BTNL3: variants seen among roughly 807,000 people sequenced by gnomAD.
BTNL3 encodes butyrophilin like 3, also known as butyrophilin-like protein 3.
A neutral mutation model predicts 40.1 loss-of-function variants in BTNL3; 20 were observed. That is an observed-to-expected ratio of 0.50 (90% confidence interval 0.35 to 0.72). The LOEUF (loss-of-function observed/expected upper bound fraction) is 0.72. Ranked by LOEUF, BTNL3 falls within the 30% of genes least tolerant of loss-of-function variation. The pLI is 0.01. For synonymous variants in BTNL3, 179 were observed against 222.1 expected (o/e 0.81, Z 1.73); for missense variants, 449 against 582.2 (o/e 0.77, Z 2.35).
intron 3 of BTNL3, among the ~76,000 whole-genome samples, chr5:181,000,799 C>T (rs1047364683): frequency 2.3e-5 from 3 of 131,156 alleles, no homozygotes; most frequent in Non-Finnish European, 3.4e-5. Context: ...GGCGACAGAG[C>T]GAGACTCCGT....
intron 2 of BTNL3, 95 bp from the exon 3 acceptor site, chr5:180,997,118 T>C: frequency 7.2e-7 from 1 of 1,396,548 alleles, no homozygotes; most frequent in Non-Finnish European, 9.9e-7. Flanking sequence ...AAAGGATGTA[T>C]GTGTGTTATG....
Position 180,989,848 on chromosome 5 carries a change from G to C in BTNL3, c.49+771G>C, listed in dbSNP as rs1759945648. 2.9e-5 allele frequency among the ~76,000 whole-genome samples: 4 copies of C among 136,838 alleles called. 2 individuals are homozygous for C. In the South Asian group the frequency reaches 8.8e-4, roughly 30 times the overall value. The allele number at this position is 136,838 out of a possible 152,430, so 89.8% of individuals were successfully genotyped here. A position where few individuals can be genotyped will look rare whatever the true frequency, so the allele number is the denominator to read the frequency against. On this transcript the variant is annotated intron_variant, in intron 1 of 7. Coordinates refer to ENST00000342868, the MANE Select transcript of BTNL3 (RefSeq NM_197975.3). ...TTTGCTAAACAAAGCCAACAAAACA[G>C]AAATAAGGGGATCAAAATCCATGTG...
intron 3 of BTNL3, among the ~76,000 whole-genome samples, chr5:180,998,646 A>C (rs1240776658): frequency 7.3e-6 from 1 of 137,288 alleles, no homozygotes; most frequent in Non-Finnish European, 1.7e-5. Flanking sequence ...ATCATAATTT[A>C]ATAAAGTCAA....
chr5:180,993,104 G>A lies in BTNL3; in HGVS notation c.341G>A (p.Cys114Tyr). The change falls in exon 2 of 8, where the codon TGC (cysteine) becomes TAC (tyrosine). Residue 114 changes from cysteine (C) to tyrosine (Y), a missense_variant. Around this residue, in one of 2 missense-constraint regions of BTNL3, gnomAD observed 323 missense variants for 464.9 expected, o/e 0.69. Coordinates refer to ENST00000342868, the MANE Select transcript of BTNL3 (RefSeq NM_197975.3). ...ITPSDIGLYG[C>Y]WFSSQIYDEE... ...CCCTCGGACATCGGCCTGTATGGGT[G>A]CTGGTTCAGTTCCCAGATTTACGAT... The A allele has an allele frequency of 1.4e-6, 2 of 1,451,236 alleles. 1 individual carries two copies. Among genetic ancestry groups the A allele is most frequent in the Non-Finnish European group, 1.9e-6 (2 of 1,052,216 alleles). The allele number at this position is 1,451,236 out of a possible 1,614,324, so 89.9% of individuals were successfully genotyped here.
At position 180,997,375 on chromosome 5, in the gene BTNL3, GC is replaced by G; in HGVS notation, c.562del (p.Leu188CysfsTer9). Reference protein sequence around the residue: ...SDSRANADGYSLYDVEISIIV... With the variant: ...SDSRANADGYXLYDVEISIIV... ...TCCAGAGCAAATGCAGATGGGTACAGCCTGTATGATGTGGAGATCTCCATTA... is the reference window on the plus strand; with the variant it reads ...TCCAGAGCAAATGCAGATGGGTACAGCTGTATGATGTGGAGATCTCCATTA... On this transcript the variant is annotated frameshift_variant, in exon 3 of 8. Transcript: ENST00000342868. LOFTEE classifies it high-confidence loss of function. The G allele has an allele frequency of 6.8e-7, 1 of 1,464,126 alleles. No individual in the cohort carries two copies. Among genetic ancestry groups the G allele is most frequent in the Non-Finnish European group, 9.4e-7 (1 of 1,059,230 alleles). 90.7% of individuals were successfully genotyped at this position (1,464,126 alleles called of 1,614,324 possible).
At position 180,991,732 on chromosome 5, in the gene BTNL3, AAC is replaced by A. The variant is rs1381777559; in HGVS notation, c.50-1079_50-1078del. 5.1e-5 allele frequency among the ~76,000 whole-genome samples: 7 copies of A among 136,524 alleles called. 2 individuals carry two copies. The highest frequency in any genetic ancestry group is 1.6e-4 in the Admixed American group (2 of 12,836). The allele number at this position is 136,524 out of a possible 152,430, so 89.6% of individuals were successfully genotyped here. On this transcript the variant is annotated intron_variant, in intron 1 of 7. Coordinates refer to ENST00000342868, the MANE Select transcript of BTNL3 (RefSeq NM_197975.3). ...GTGCAGGGAAGGCTCGCAGAAAACAAACAGTTATGTCACTTGCAGCAAGATGA... is the reference window on the plus strand; with the variant it reads ...GTGCAGGGAAGGCTCGCAGAAAACAAAGTTATGTCACTTGCAGCAAGATGA...
rs550323666 is a variant in BTNL3, at chr5:180,998,363, T to C, written c.673+875T>C. Among the ~76,000 whole-genome samples, 4 of 135,642 alleles carry C rather than the reference T, an allele frequency of 2.9e-5. No homozygotes were observed. In the East Asian group the frequency reaches 6.5e-4, roughly 22 times the overall value. 89.0% of individuals were successfully genotyped at this position (135,642 alleles called of 152,430 possible). On this transcript the variant is annotated intron_variant, in intron 3 of 7. Coordinates refer to ENST00000342868, the MANE Select transcript of BTNL3 (RefSeq NM_197975.3). ...ACATGTACCTTATACATGTAAAACA[T>C]AGAAAATATCAACAGAAATAAGAAA...
chr5:180,998,301 C>T (rs1760060097), intron 3 of BTNL3, among the ~76,000 whole-genome samples: 1 of 135,546 alleles, frequency 7.4e-6, no homozygotes, highest in African/African-American at 2.5e-5. Flanking sequence ...AACATAAGTT[C>T]ACTCAGTATA....
At position 181,002,805 on chromosome 5, in the gene BTNL3, A is replaced by G; in HGVS notation, c.787+20A>G. On this transcript the variant is annotated intron_variant, in intron 4 of 7. Transcript: ENST00000342868. ...CCAAAGGTAAGTGAGAGAGAGAAGC[A>G]TGGGCCCATACCTTCTTCATGGTTC... The G allele has an allele frequency of 6.9e-7, 1 of 1,442,602 alleles. No individual in the cohort carries two copies. The highest frequency in any genetic ancestry group is 1.4e-5 in the African/African-American group (1 of 71,724). 89.4% of individuals were successfully genotyped at this position (1,442,602 alleles called of 1,614,324 possible).
In BTNL3 at chr5:180,993,621, C is replaced by A. The variant is rs1760000826; in HGVS notation, c.397+461C>A. Among the ~76,000 whole-genome samples, 2 of 135,380 alleles carry A rather than the reference C, an allele frequency of 1.5e-5. 1 individual carries two copies. The highest frequency in any genetic ancestry group is 5.1e-5 in the African/African-American group (2 of 39,356). The allele number at this position is 135,380 out of a possible 152,430, so 88.8% of individuals were successfully genotyped here. A position where few individuals can be genotyped will look rare whatever the true frequency, so the allele number is the denominator to read the frequency against. ...ATATTCATATATAATTTATCACAAT[C>A]TACTATATCAACATTTTACCACTTT... On this transcript the variant is annotated intron_variant, in intron 2 of 7. Coordinates refer to ENST00000342868, the MANE Select transcript of BTNL3 (RefSeq NM_197975.3).
In BTNL3 at chr5:180,991,888, G is replaced by A. The variant is rs1423640035; in HGVS notation, c.50-925G>A. On this transcript the variant is annotated intron_variant, in intron 1 of 7. Coordinates refer to ENST00000342868, the MANE Select transcript of BTNL3 (RefSeq NM_197975.3). Reference sequence around the variant, plus strand: ...TCTTTTGCCTTCCCTGGGCCATATTGAAAGAAGAACTAACACTAACGATAA... The same window carrying A: ...TCTTTTGCCTTCCCTGGGCCATATTAAAAGAAGAACTAACACTAACGATAA... 2.2e-5 allele frequency among the ~76,000 whole-genome samples: 3 copies of A among 136,226 alleles called. 1 individual carries two copies. Among genetic ancestry groups the A allele is most frequent in the Non-Finnish European group, 5.0e-5 (3 of 59,604 alleles). 89.4% of individuals were successfully genotyped at this position (136,226 alleles called of 152,430 possible). A position where few individuals can be genotyped will look rare whatever the true frequency, so the allele number is the denominator to read the frequency against.
intron 1 of BTNL3, among the ~76,000 whole-genome samples, chr5:180,991,126 G>T (rs1759966460): frequency 7.3e-6 from 1 of 137,076 alleles, no homozygotes; most frequent in Non-Finnish European, 1.7e-5. Context: ...GGGACTCAGG[G>T]TTGGGTGGTG....
Position 180,992,810 on chromosome 5 carries a change from T to C in BTNL3, c.50-3T>C, listed in dbSNP as rs371451485. The C allele has an allele frequency of 6.4e-5, 93 of 1,462,886 alleles. 23 individuals carry two copies. The highest frequency in any genetic ancestry group is 8.1e-5 in the Non-Finnish European group (86 of 1,058,820). The allele number at this position is 1,462,886 out of a possible 1,614,324, so 90.6% of individuals were successfully genotyped here. ...CAGTTGTCTGTTATGTTTCCTCCTA[T>C]AGGACAGTGGCAAGTCACTGGACCG... On this transcript the variant is annotated splice_region_variant and splice_polypyrimidine_tract_variant and intron_variant, in intron 1 of 7. Coordinates refer to ENST00000342868, the MANE Select transcript of BTNL3 (RefSeq NM_197975.3).
rs772286445 is a variant in BTNL3, at chr5:180,993,190, T to C, written c.397+30T>C. 7 of 1,409,452 alleles carry C rather than the reference T, an allele frequency of 5.0e-6. 3 individuals are homozygous for C. Among genetic ancestry groups the C allele is most frequent in the Non-Finnish European group, 6.8e-6 (7 of 1,031,516 alleles). 87.3% of individuals were successfully genotyped at this position (1,409,452 alleles called of 1,614,324 possible). A position where few individuals can be genotyped will look rare whatever the true frequency, so the allele number is the denominator to read the frequency against. On this transcript the variant is annotated intron_variant, in intron 2 of 7. Coordinates refer to ENST00000342868, the MANE Select transcript of BTNL3 (RefSeq NM_197975.3). Reference sequence around the variant, plus strand: ...GTTGTTTATTTATGACTGAGTTGTCTTGTAAAGTCATGCTACCATTATCAG... The same window carrying C: ...GTTGTTTATTTATGACTGAGTTGTCCTGTAAAGTCATGCTACCATTATCAG...
In BTNL3 at chr5:181,006,142, G is replaced by C; in HGVS notation, c.*270G>C. The C allele has an allele frequency of 2.3e-6, 1 of 443,110 alleles. No homozygotes were observed. Among genetic ancestry groups the C allele is most frequent in the South Asian group, 8.1e-5 (1 of 12,420 alleles). The allele number at this position is 443,110 out of a possible 1,614,324, so 27.4% of individuals were successfully genotyped here. A position where few individuals can be genotyped will look rare whatever the true frequency, so the allele number is the denominator to read the frequency against. On this transcript the variant is annotated 3_prime_UTR_variant, in exon 8 of 8. Coordinates refer to ENST00000342868, the MANE Select transcript of BTNL3 (RefSeq NM_197975.3). ...GTGGGGACGGAATAGACTCACATTA[G>C]GTTTAGTTTGTGAAAACTCCATCCA...
rs1423275138 is a variant in BTNL3 at position 181,005,766 on chromosome 5, T to C, written c.1295T>C (p.Leu432Pro). ...AATGACCAGTCCCTTATTTATACCC[T>C]GCTGACATGTCAGTTTGAAGGCTTG... ...NTNDQSLIYT[L>P]LTCQFEGLLR... The change falls in exon 8 of 8, where the codon CTG (leucine) becomes CCG (proline). Residue 432 changes from leucine (L) to proline (P), a missense_variant. Leu to Pro is a moderately conservative substitution (Grantham distance 98). Coordinates refer to ENST00000342868, the MANE Select transcript of BTNL3 (RefSeq NM_197975.3). 6.2e-7 allele frequency: 1 copy of C among 1,614,142 alleles called. No individual in the cohort carries two copies. Among genetic ancestry groups the C allele is most frequent in the South Asian group, 1.1e-5 (1 of 91,080 alleles).
intron 2 of BTNL3, 77 bp from the exon 3 acceptor site, chr5:180,997,136 G>A: frequency 6.9e-7 from 1 of 1,449,828 alleles, no homozygotes. Context: ...ATGGGTACAG[G>A]CTTGATGAAC....
At position 180,993,025 on chromosome 5, in the gene BTNL3, G is replaced by C. The variant is rs1183847707; in HGVS notation, c.262G>C (p.Val88Leu). 1 of 1,459,348 alleles carries C rather than the reference G, an allele frequency of 6.9e-7. No individual in the cohort carries two copies. The allele number at this position is 1,459,348 out of a possible 1,614,324, so 90.4% of individuals were successfully genotyped here. A position where few individuals can be genotyped will look rare whatever the true frequency, so the allele number is the denominator to read the frequency against. Residue 88 changes from valine (V) to leucine (L), a missense_variant, in exon 2 of 8, where the codon GTG becomes CTG. This residue lies in a region of BTNL3 where 323 missense variants were observed against 464.9 expected (regional missense o/e 0.69). Coordinates refer to ENST00000342868, the MANE Select transcript of BTNL3 (RefSeq NM_197975.3). ...ACAGTATCGAGGGAGAACTGAGTTT[G>C]TGAAGGACTCCATTGCAGGGGGGCG... The part of the protein sequence containing the change: ...MPQYRGRTEF[V>L]KDSIAGGRVS...
At chr5:181,002,576 T>C (rs1243684761) in intron 3 of BTNL3, 96 bp from the exon 4 acceptor site, 2 of 1,121,170 alleles carry the variant, frequency 1.8e-6, no homozygotes, top group African/African-American at 1.6e-5. Context: ...GAGAGAAAAA[T>C]GTTTTCATCT....
Sources: gnomAD v4.1 joint callset for allele counts (sites outside exome capture counted in the v4.1 genomes callset) on GRCh38, gnomAD v4.1.1 for gene constraint, gnomAD v4.1.1 regional missense constraint, MANE v1.5 for transcripts, NCBI Gene and HGNC (gene_info 2026-07-23, HGNC 2026-07-21) for gene names.